Variants in NEFH observed in about 807,000 individuals in gnomAD.
NEFH encodes the protein neurofilament heavy polypeptide.
In NEFH, 58 loss-of-function variants were observed where a neutral mutation model predicts 56.6. The ratio of observed to expected loss-of-function variants is 1.03; its 90% CI spans 0.83 to 1.28. The LOEUF (loss-of-function observed/expected upper bound fraction) is 1.28. NEFH is among the 50% of genes most tolerant of loss of function. NEFH has a pLI of 0.00. For synonymous variants in NEFH, 542 were observed against 545.8 expected (o/e 0.99, Z 0.10); for missense variants, 1,221 against 1,307.6 (o/e 0.93, Z 1.02).
Position 29,481,046 on chromosome 22 carries a change from G to T in NEFH, c.784G>T (p.Ala262Ser). The T allele has an allele frequency of 6.5e-7, 1 of 1,531,868 alleles. No individual in the cohort carries two copies. Among genetic ancestry groups the T allele is most frequent in the Non-Finnish European group, 8.7e-7 (1 of 1,145,514 alleles). 94.9% of individuals were successfully genotyped at this position (1,531,868 alleles called of 1,614,324 possible). A position where few individuals can be genotyped will look rare whatever the true frequency, so the allele number is the denominator to read the frequency against. ...GCAGATGCAGGCCGAGACGCGCGAC[G>T]CCCTGAAGTGCGACGTGACGTCGGC... ...QAQMQAETRD[A>S]LKCDVTSALR... The change falls in exon 1 of 4, where the codon GCC becomes TCC. Residue 262 changes from alanine to serine, a missense_variant. By Grantham distance (99) the Ala-to-Ser change is moderately conservative. Coordinates refer to ENST00000310624, the MANE Select transcript of NEFH (RefSeq NM_021076.4).
At chr22:29,487,365 TCA>T (rs534329284) in intron 3 of NEFH, among the ~76,000 whole-genome samples, 156 of 152,128 alleles carry the variant, frequency 1.0e-3, no homozygotes, top group African/African-American at 3.1e-3. Flanking sequence ...GTGTAGTGAC[TCA>T]TGCCTGTAAT....
chr22:29,485,442 T>TC lies in NEFH; in HGVS notation c.1084-278dup, dbSNP rs1569196294. ...CTAAGCTCAAGATCTCTAAATGTTA[T>TC]CCCATTATCCTGCCAGCCAAACCAG... On this transcript the variant is annotated intron_variant, in intron 2 of 3. Coordinates refer to ENST00000310624, the MANE Select transcript of NEFH (RefSeq NM_021076.4). 7.9e-5 allele frequency among the ~76,000 whole-genome samples: 12 copies of TC among 152,328 alleles called. No homozygotes were observed. In the South Asian group the frequency reaches 2.1e-3, roughly 26 times the overall value.
At chr22:29,484,508 G>A (rs1389918099) in intron 2 of NEFH, among the ~76,000 whole-genome samples, 1 of 152,086 alleles carries the variant, frequency 6.6e-6, no homozygotes, top group Non-Finnish European at 1.5e-5. Flanking sequence ...TGGGCATGGT[G>A]GTGCGTGCCT....
chr22:29,485,945 TC>T (rs2063042127), intron 3 of NEFH, 98 bp downstream of exon 3: 4 of 1,321,314 alleles, frequency 3.0e-6, no homozygotes, highest in Non-Finnish European at 4.4e-6. Context: ...AGCCTACCTG[TC>T]TTAGGGACAA....
At position 29,480,748 on chromosome 22, in the gene NEFH, G is replaced by A; in HGVS notation, c.486G>A (p.Ala162=). Residue 162 remains alanine (A), a synonymous_variant, in exon 1 of 4, where the codon GCG becomes GCA. Transcript: ENST00000310624. ...EMRGAVLRLG[A]ARGQLRLEQE... ...GCGGCGCGGTGCTGCGCCTGGGCGCGGCGCGCGGTCAGCTACGCCTGGAGC... is the reference window on the plus strand; with the variant it reads ...GCGGCGCGGTGCTGCGCCTGGGCGCAGCGCGCGGTCAGCTACGCCTGGAGC... 1 of 1,450,744 alleles carries A rather than the reference G, an allele frequency of 6.9e-7. No individual in the cohort carries two copies. Among genetic ancestry groups the A allele is most frequent in the Non-Finnish European group, 9.0e-7 (1 of 1,112,992 alleles). The allele number at this position is 1,450,744 out of a possible 1,614,324, so 89.9% of individuals were successfully genotyped here. A position where few individuals can be genotyped will look rare whatever the true frequency, so the allele number is the denominator to read the frequency against.
Position 29,480,458 on chromosome 22 carries a change from C to T in NEFH, c.196C>T (p.Arg66Cys). The change falls in exon 1 of 4, where the codon CGT becomes TGT. Residue 66 changes from arginine (R) to cysteine (C), a missense_variant. Coordinates refer to ENST00000310624, the MANE Select transcript of NEFH (RefSeq NM_021076.4). ...SSVSASPSRF[R>C]GAGAASSTDS... The stretch of plus-strand genomic sequence containing the variant: ...CGTGTCCGCCTCGCCCAGCCGCTTC[C>T]GTGGCGCAGGCGCCGCCTCAAGCAC... The T allele has an allele frequency of 6.5e-7, 1 of 1,532,350 alleles. No homozygotes were observed. The highest frequency in any genetic ancestry group is 8.7e-7 in the Non-Finnish European group (1 of 1,145,920). The allele number at this position is 1,532,350 out of a possible 1,614,324, so 94.9% of individuals were successfully genotyped here.
At chr22:29,481,619 C>T (rs1025029532) in intron 1 of NEFH, among the ~76,000 whole-genome samples, 2 of 152,214 alleles carry the variant, frequency 1.3e-5, no homozygotes, top group Admixed American at 1.3e-4. Context: ...TACCAGGCTC[C>T]TTCCCACTAC....
In NEFH at chr22:29,480,640, G is replaced by C. The variant is rs774176192; in HGVS notation, c.378G>C (p.Glu126Asp). 12 of 1,562,074 alleles carry C rather than the reference G, an allele frequency of 7.7e-6. No homozygotes were observed. Among genetic ancestry groups the C allele is most frequent in the East Asian group, 2.3e-5 (1 of 43,208 alleles). The change falls in exon 1 of 4, where the codon GAG (glutamate) becomes GAC (aspartate). Residue 126 changes from glutamate (E) to aspartate (D), a missense_variant. This residue lies in a region of NEFH where 640 missense variants were observed against 555.5 expected (regional missense o/e 1.15). Coordinates refer to ENST00000310624, the MANE Select transcript of NEFH (RefSeq NM_021076.4). ...RQLEAHNRSL[E>D]GEAAALRQQQ... ...TGGAGGCGCACAACCGCAGCCTGGAGGGCGAGGCTGCGGCGCTGCGGCAGC... is the reference window on the plus strand; with the variant it reads ...TGGAGGCGCACAACCGCAGCCTGGACGGCGAGGCTGCGGCGCTGCGGCAGC...
intron 3 of NEFH, among the ~76,000 whole-genome samples, chr22:29,486,337 G>C (rs903889822): frequency 1.3e-4 from 20 of 151,762 alleles, no homozygotes; most frequent in Non-Finnish European, 2.9e-4. Context: ...ATTCAACAAT[G>C]TTAAGTAGGC....
At position 29,490,710 on chromosome 22, in the gene NEFH, GA is replaced by G; in HGVS notation, c.*8del. The G allele has an allele frequency of 6.2e-7, 1 of 1,614,024 alleles. No individual in the cohort carries two copies. The highest frequency in any genetic ancestry group is 1.1e-5 in the South Asian group (1 of 91,080). ...GGCCGCCAAGGGGAAGTAAGGCAGG[GA>G]GAAAGGAACATCCGGAACAGCCAAA... On this transcript the variant is annotated 3_prime_UTR_variant, in exon 4 of 4. Coordinates refer to ENST00000310624, the MANE Select transcript of NEFH (RefSeq NM_021076.4).
chr22:29,481,219 A>G (rs2063007378), intron 1 of NEFH, 74 bp downstream of exon 1: 8 of 1,433,230 alleles, frequency 5.6e-6, no homozygotes, highest in East Asian at 2.5e-5. Context: ...GCGTGACCCA[A>G]GGGGGCGCTG....
Position 29,490,791 on chromosome 22 carries a change from T to G in NEFH, c.*88T>G. Reference sequence around the variant, plus strand: ...ATCAGAGTAACACAATTTTCACTTTTTCTGTCTTTATGTAAGAAGAAACTG... The same window carrying G: ...ATCAGAGTAACACAATTTTCACTTTGTCTGTCTTTATGTAAGAAGAAACTG... On this transcript the variant is annotated 3_prime_UTR_variant, in exon 4 of 4. Transcript: ENST00000310624. 1 of 1,578,276 alleles carries G rather than the reference T, an allele frequency of 6.3e-7. No homozygotes were observed.
chr22:29,490,072 A>T lies in NEFH; in HGVS notation c.2432A>T (p.Glu811Val). 6.2e-7 allele frequency: 1 copy of T among 1,613,990 alleles called. No homozygotes were observed. Among genetic ancestry groups the T allele is most frequent in the Non-Finnish European group, 8.5e-7 (1 of 1,179,880 alleles). Residue 811 changes from glutamate (E) to valine (V), a missense_variant, in exon 4 of 4, where the codon GAG becomes GTG. By Grantham distance (121) the Glu-to-Val change is moderately radical. This residue lies in a region of NEFH where 301 missense variants were observed against 346.6 expected (regional missense o/e 0.87). Transcript: ENST00000310624. Reference sequence around the variant, plus strand: ...CTGAAGGAGGATGCCAAGGCCCCTGAGAAGGAGATCCCAAAAAAGGAAGAG... The same window carrying T: ...CTGAAGGAGGATGCCAAGGCCCCTGTGAAGGAGATCCCAAAAAAGGAAGAG... Reference protein sequence around the residue: ...SPLKEDAKAPEKEIPKKEEVK... With the variant: ...SPLKEDAKAPVKEIPKKEEVK...
Position 29,480,435 on chromosome 22 carries a change from T to C in NEFH, c.173T>C (p.Val58Ala), listed in dbSNP as rs2062996636. The change falls in exon 1 of 4, where the codon GTG becomes GCG. Residue 58 changes from valine (V) to alanine (A), a missense_variant. This residue lies in a region of NEFH where 640 missense variants were observed against 555.5 expected (regional missense o/e 1.15). Coordinates refer to ENST00000310624, the MANE Select transcript of NEFH (RefSeq NM_021076.4). ...HSWTRTSVSS[V>A]SASPSRFRGA... is the part of the protein sequence containing the mutation. The stretch of plus-strand genomic sequence containing the variant: ...TGGACACGGACGTCCGTGAGCTCCG[T>C]GTCCGCCTCGCCCAGCCGCTTCCGT... 3.3e-6 allele frequency: 5 copies of C among 1,531,718 alleles called. No individual in the cohort carries two copies. Among genetic ancestry groups the C allele is most frequent in the Non-Finnish European group, 4.4e-6 (5 of 1,145,762 alleles). The allele number at this position is 1,531,718 out of a possible 1,614,324, so 94.9% of individuals were successfully genotyped here.
intron 1 of NEFH, among the ~76,000 whole-genome samples, chr22:29,482,554 C>T (rs950783567): frequency 6.6e-6 from 1 of 152,216 alleles, no homozygotes. Context: ...CTGCACTGAC[C>T]TTGGACTGTG....
Position 29,480,378 on chromosome 22 carries a change from C to G in NEFH, c.116C>G (p.Ser39Cys). The G allele has an allele frequency of 4.6e-6, 7 of 1,536,294 alleles. No individual in the cohort carries two copies. The highest frequency in any genetic ancestry group is 6.1e-6 in the Non-Finnish European group (7 of 1,148,470). Residue 39 changes from serine (S) to cysteine (C), a missense_variant, in exon 1 of 4, where the codon TCC becomes TGC. Physicochemically the swap from Ser to Cys is moderately radical, Grantham distance 112. Coordinates refer to ENST00000310624, the MANE Select transcript of NEFH (RefSeq NM_021076.4). ...AAGGGTGGCGCAGGCGGGACGCGCT[C>G]CGCCGCTGGCTCCTCCAGCGGCTTC... ...ARKGGAGGTR[S>C]AAGSSSGFHS...
Position 29,480,229 on chromosome 22 carries a change from C to T in NEFH, c.-34C>T. On this transcript the variant is annotated 5_prime_UTR_variant, in exon 1 of 4. Transcript: ENST00000310624. ...GCCCTGGTGCTGCCGCAGTGCCTCC[C>T]GCCCCGTCCCGGCCTCGCGCACCTG... 6.7e-7 allele frequency: 1 copy of T among 1,492,674 alleles called. No homozygotes were observed. The highest frequency in any genetic ancestry group is 8.8e-7 in the Non-Finnish European group (1 of 1,130,468). The allele number at this position is 1,492,674 out of a possible 1,614,324, so 92.5% of individuals were successfully genotyped here. A position where few individuals can be genotyped will look rare whatever the true frequency, so the allele number is the denominator to read the frequency against.
Position 29,491,190 on chromosome 22 carries a change from G to T in NEFH, c.*487G>T. 4.0e-6 allele frequency: 1 copy of T among 247,280 alleles called. No homozygotes were observed. The highest frequency in any genetic ancestry group is 7.9e-6 in the Non-Finnish European group (1 of 126,790). 15.3% of individuals were successfully genotyped at this position (247,280 alleles called of 1,614,324 possible). On this transcript the variant is annotated 3_prime_UTR_variant, in exon 4 of 4. Coordinates refer to ENST00000310624, the MANE Select transcript of NEFH (RefSeq NM_021076.4). ...TATTCTGGAAGAGCGGTCCAGGTGG[G>T]GCCGGGGACTGGCCACTGAATTATG... is the stretch of plus-strand genomic sequence containing the variant.
Position 29,480,694 on chromosome 22 carries a change from G to A in NEFH, c.432G>A (p.Glu144=), listed in dbSNP as rs770247955. 6.5e-7 allele frequency: 1 copy of A among 1,538,380 alleles called. No homozygotes were observed. Among genetic ancestry groups the A allele is most frequent in the Non-Finnish European group, 8.7e-7 (1 of 1,149,882 alleles). Residue 144 remains glutamate, a synonymous_variant, in exon 1 of 4, where the codon GAG becomes GAA. Transcript: ENST00000310624. Reference sequence around the variant, plus strand: ...AGGCGGGCCGCTCCGCTATGGGCGAGCTGTACGAGCGCGAGGTCCGCGAGA... The same window carrying A: ...AGGCGGGCCGCTCCGCTATGGGCGAACTGTACGAGCGCGAGGTCCGCGAGA... ...QQQAGRSAMG[E]LYEREVREMR... is the part of the protein sequence containing the mutation.
Sources: allele counts gnomAD v4.1 joint callset (sites outside exome capture counted in the v4.1 genomes callset), GRCh38; gene constraint gnomAD v4.1.1; regional missense constraint gnomAD v4.1.1; transcripts MANE v1.5; gene names NCBI Gene and HGNC (gene_info 2026-07-23, HGNC 2026-07-21).